The following ABCA4 variants were observed in gnomAD, a reference collection of about 807,000 sequenced individuals.
ABCA4 encodes ATP binding cassette subfamily A member 4.
Under a neutral mutation model 263.7 loss-of-function variants are expected in ABCA4, and 196 were observed. The ratio of observed to expected loss-of-function variants is 0.74; its 90% CI spans 0.66 to 0.84. The LOEUF (loss-of-function observed/expected upper bound fraction) is 0.84, where lower values mean the gene tolerates loss of function less well. Ranked by LOEUF, ABCA4 falls within the 40% of genes least tolerant of loss-of-function variation. The pLI is 0.00. For synonymous variants in ABCA4, 1,133 were observed against 1,094.2 expected (o/e 1.04, Z -0.70); for missense variants, 2,792 against 2,855.1 (o/e 0.98, Z 0.50).
intron 1 of ABCA4, among the ~76,000 whole-genome samples, chr1:94,119,466 T>C (rs1662889668): frequency 6.6e-6 from 1 of 152,178 alleles, no homozygotes; most frequent in South Asian, 2.1e-4. Flanking sequence ...TTATGCTGGT[T>C]GTTAAGCTAT....
At chr1:94,099,267 C>A (rs1298096042) in intron 5 of ABCA4, among the ~76,000 whole-genome samples, 1 of 152,176 alleles carries the variant, frequency 6.6e-6, no homozygotes, top group African/African-American at 2.4e-5. Flanking sequence ...TAAGCCCCCA[C>A]TGGCCTTGGA....
chr1:94,113,976 T>C (rs962934830), intron 1 of ABCA4, among the ~76,000 whole-genome samples: 7 of 152,156 alleles, frequency 4.6e-5, no homozygotes, highest in African/African-American at 1.4e-4. Context: ...GAGAGGGACA[T>C]GTGAGTTGGA....
intron 14 of ABCA4, among the ~76,000 whole-genome samples, chr1:94,057,244 C>G (rs1317962359): frequency 5.3e-5 from 8 of 152,200 alleles, no homozygotes; most frequent in African/African-American, 1.4e-4. Flanking sequence ...CACTTGTGAT[C>G]TGGAGCCTCC....
rs780346932 is a variant in ABCA4 at position 94,008,839 on chromosome 1, T to A, written c.5747A>T (p.Asp1916Val). The A allele has an allele frequency of 6.2e-7, 1 of 1,613,532 alleles. No homozygotes were observed. Among genetic ancestry groups the A allele is most frequent in the African/African-American group, 1.3e-5 (1 of 74,798 alleles). The change falls in exon 41 of 50, where the codon GAT (aspartate) becomes GTT (valine). Residue 1916 changes from aspartate (D) to valine (V), a missense_variant. Asp to Val is a radical substitution (Grantham distance 152). Transcript: ENST00000370225. ...TTCTTCAGCCACATCATCATCTTCATCAACAATGGGCTCCTTAGTGGGCTC... is the reference window on the plus strand; with the variant it reads ...TTCTTCAGCCACATCATCATCTTCAACAACAATGGGCTCCTTAGTGGGCTC... The part of the protein sequence containing the change: ...IAEPTKEPIV[D>V]EDDDVAEERQ...
intron 3 of ABCA4, among the ~76,000 whole-genome samples, chr1:94,109,007 C>T (rs1220287550): frequency 3.3e-5 from 5 of 152,090 alleles, no homozygotes; most frequent in Admixed American, 6.5e-5. Flanking sequence ...CTCCTGACCT[C>T]GTGATCCACC....
chr1:94,074,786 G>A (rs1307438537), intron 11 of ABCA4, among the ~76,000 whole-genome samples: 1 of 152,206 alleles, frequency 6.6e-6, no homozygotes. Context: ...CAAGGATCTA[G>A]AACCAGAAAT....
Position 94,046,936 on chromosome 1 carries a change from A to G in ABCA4, c.2901T>C (p.Ala967=). ...QITAFLGHNG[A]GKTTTLSILT... is the part of the protein sequence containing the mutation. ...AGACTCACAAGGTGGTGGTTTTCCC[A>G]GCTCCATTGTGGCCCAGGAATGCGG... The change falls in exon 19 of 50, where the codon GCT becomes GCC. Residue 967 remains alanine (A), a synonymous_variant. Transcript: ENST00000370225. The G allele has an allele frequency of 6.2e-7, 1 of 1,614,154 alleles. No individual in the cohort carries two copies. The highest frequency in any genetic ancestry group is 2.2e-5 in the East Asian group (1 of 44,880).
At chr1:94,088,811 C>G (rs968359606) in intron 6 of ABCA4, among the ~76,000 whole-genome samples, 1 of 150,210 alleles carries the variant, frequency 6.7e-6, no homozygotes, top group African/African-American at 2.4e-5. Flanking sequence ...CAACCAGGTC[C>G]TAGATAATAG....
intron 39 of ABCA4, 48 bp from the exon 40 acceptor site, chr1:94,010,977 C>T: frequency 6.2e-7 from 1 of 1,613,734 alleles, no homozygotes; most frequent in South Asian, 1.1e-5. Context: ...CCAGCTCACC[C>T]CACAGACCTG....
intron 11 of ABCA4, among the ~76,000 whole-genome samples, chr1:94,064,934 AG>A (rs1370339134): frequency 7.2e-5 from 11 of 151,982 alleles, no homozygotes. Flanking sequence ...GGTAGTGGAG[AG>A]GGGGGAAAGC....
intron 24 of ABCA4, among the ~76,000 whole-genome samples, chr1:94,039,652 G>A (rs1027225179): frequency 2.6e-5 from 4 of 152,196 alleles, no homozygotes; most frequent in South Asian, 2.1e-4. Flanking sequence ...CTGACTCCAC[G>A]AATTCACTGG....
At chr1:94,080,867 C>CA (rs1661678633) in intron 7 of ABCA4, 149 bp from the exon 8 acceptor site, 9 of 1,202,530 alleles carry the variant, frequency 7.5e-6, no homozygotes, top group Admixed American at 4.4e-5. Context: ...CTGCGAAAAA[C>CA]AAAAAACAAA....
intron 3 of ABCA4, among the ~76,000 whole-genome samples, chr1:94,111,165 G>A (rs1360442491): frequency 6.6e-6 from 1 of 152,248 alleles, no homozygotes; most frequent in African/African-American, 2.4e-5. Flanking sequence ...CATCTCTGCA[G>A]CGGGCTGCCA....
chr1:94,019,864 T>G (rs2101021059), intron 35 of ABCA4, 105 bp from the exon 36 acceptor site: 1 of 1,281,660 alleles, frequency 7.8e-7, no homozygotes. Flanking sequence ...CCCGCCCAGG[T>G]GTGGCCTCCA....
chr1:94,021,782 T>C, intron 33 of ABCA4, 64 bp downstream of exon 33: 1 of 1,603,030 alleles, frequency 6.2e-7, no homozygotes, highest in Non-Finnish European at 8.5e-7. Flanking sequence ...CTCATGAGAG[T>C]TTCTCATTCA....
At chr1:94,047,152 GCT>G in intron 18 of ABCA4, 59 bp from the exon 19 acceptor site, 1 of 1,590,104 alleles carries the variant, frequency 6.3e-7, no homozygotes, top group Non-Finnish European at 8.6e-7. Context: ...TGGCCCCAGG[GCT>G]CTGTCTCCAG....
chr1:94,042,208 A>C (rs1660510165), intron 22 of ABCA4, among the ~76,000 whole-genome samples: 1 of 152,170 alleles, frequency 6.6e-6, no homozygotes, highest in African/African-American at 2.4e-5. Context: ...GAGTAGAGCA[A>C]GGGGGAAAGC....
At chr1:94,068,960 C>T (rs1047164219) in intron 11 of ABCA4, among the ~76,000 whole-genome samples, 8 of 152,252 alleles carry the variant, frequency 5.3e-5, no homozygotes, top group African/African-American at 1.9e-4. Flanking sequence ...TTCCTCCTCC[C>T]CTTTAGTTTC....
At position 94,108,777 on chromosome 1, in the gene ABCA4, T is replaced by A. The variant is rs1422618110; in HGVS notation, c.303-61A>T. 5 of 1,583,832 alleles carry A rather than the reference T, an allele frequency of 3.2e-6. No individual in the cohort carries two copies. In the African/African-American group the frequency reaches 5.6e-5, roughly 18 times the overall value. ...TGTTATTTTTATAACAGTAATAATA[T>A]CTCATGCTATTTTTTTTTTTTATCT... is the stretch of plus-strand genomic sequence containing the variant. On this transcript the variant is annotated intron_variant, in intron 3 of 49. Transcript: ENST00000370225.
Sources: gnomAD v4.1 joint callset for allele counts (sites outside exome capture counted in the v4.1 genomes callset) on GRCh38, gnomAD v4.1.1 for gene constraint, MANE v1.5 for transcripts, NCBI Gene and HGNC (gene_info 2026-07-23, HGNC 2026-07-21) for gene names.